Variants in KLHDC4 observed in about 807,000 individuals in gnomAD.
The protein encoded by KLHDC4 is kelch domain containing 4, also known as kelch domain-containing protein 4.
KLHDC4 carries 90 observed loss-of-function variants against 62.4 expected under a neutral mutation model. That is an observed-to-expected ratio of 1.44 (90% CI 1.22 to 1.72). The LOEUF (loss-of-function observed/expected upper bound fraction) is 1.72, where lower values mean the gene tolerates loss of function less well. Ranked by LOEUF, KLHDC4 falls within the 40% of genes most tolerant of loss-of-function variation. KLHDC4 has a pLI of 0.00. For missense variants in KLHDC4, 1,025 were observed against 699.7 expected (o/e 1.47, Z -5.25); for synonymous variants, 386 against 284.4 (o/e 1.36, Z -3.59).
At chr16:87,720,399 C>T (rs891574515) in intron 7 of KLHDC4, among the ~76,000 whole-genome samples, 2 of 152,192 alleles carry the variant, frequency 1.3e-5, no homozygotes, top group Non-Finnish European at 2.9e-5. Context: ...ACTGTCCATC[C>T]AGGCGCCCGA....
chr16:87,734,095 C>G (rs1439097862), intron 5 of KLHDC4, among the ~76,000 whole-genome samples: 1 of 152,230 alleles, frequency 6.6e-6, no homozygotes, highest in Non-Finnish European at 1.5e-5. Flanking sequence ...CCTGTCATCC[C>G]CAGCACTTTG....
chr16:87,719,831 G>C (rs777204857), intron 7 of KLHDC4, among the ~76,000 whole-genome samples: 80 of 152,152 alleles, frequency 5.3e-4, no homozygotes, highest in Admixed American at 7.2e-4. Context: ...AGCGCAACAG[G>C]GCTGGCTCTG....
intron 3 of KLHDC4, chr16:87,755,742 G>C (rs943355742): frequency 3.1e-4 from 55 of 178,020 alleles, no homozygotes; most frequent in African/African-American, 1.1e-3. Flanking sequence ...TTTTTGTATC[G>C]TTAGCAGAGA....
intron 5 of KLHDC4, among the ~76,000 whole-genome samples, chr16:87,735,275 G>A (rs931893512): frequency 7.2e-4 from 109 of 150,898 alleles, no homozygotes; most frequent in African/African-American, 2.6e-3. Context: ...ACTCCAGCCT[G>A]GGCAACACAG....
chr16:87,756,997 T>C (rs1026153361), intron 2 of KLHDC4, among the ~76,000 whole-genome samples: 2 of 151,818 alleles, frequency 1.3e-5, no homozygotes, highest in Admixed American at 6.6e-5. Context: ...TATTTTTTAG[T>C]AGAGATGGGG....
downstream of KLHDC4, among the ~76,000 whole-genome samples, chr16:87,707,215 G>C (rs998105628): frequency 1.3e-5 from 2 of 152,216 alleles, no homozygotes; most frequent in East Asian, 1.9e-4. Flanking sequence ...CACAGCCTTC[G>C]GGGGCAAGGA....
intron 2 of KLHDC4, among the ~76,000 whole-genome samples, 163 bp downstream of exon 2, chr16:87,761,786 C>T (rs1410792706): frequency 6.6e-6 from 1 of 152,210 alleles, no homozygotes; most frequent in African/African-American, 2.4e-5. Context: ...GTAAAGCTTA[C>T]AGCCTCATTC....
At chr16:87,753,628 C>A (rs1353058473) in intron 4 of KLHDC4, among the ~76,000 whole-genome samples, 1 of 150,798 alleles carries the variant, frequency 6.6e-6, no homozygotes, top group African/African-American at 2.5e-5. Flanking sequence ...GGTGAAACCC[C>A]GTCTCTACTG....
intron 9 of KLHDC4, 188 bp downstream of exon 9, chr16:87,711,047 G>T: frequency 1.6e-6 from 1 of 607,824 alleles, no homozygotes; most frequent in Non-Finnish European, 2.9e-6. Context: ...CAGACTAAGG[G>T]GACCGTGACC....
chr16:87,736,787 C>T (rs1310217526), intron 5 of KLHDC4, among the ~76,000 whole-genome samples: 1 of 152,166 alleles, frequency 6.6e-6, no homozygotes, highest in East Asian at 1.9e-4. Flanking sequence ...TTTATCCTCA[C>T]AGCAAACTCG....
rs189098079 is a variant in KLHDC4 at position 87,760,790 on chromosome 16, T to C, written c.191+1159A>G. On this transcript the variant is annotated intron_variant, in intron 2 of 11. Coordinates refer to ENST00000270583, the MANE Select transcript of KLHDC4 (RefSeq NM_017566.4). ...ACTCACGCCTGTAATCCCAGCACTT[T>C]GGGAGGCCAAGGCAGGTGGATTACC... Among the ~76,000 whole-genome samples, 860 of 152,232 alleles carry C rather than the reference T, an allele frequency of 5.6e-3. 5 individuals carry two copies. Among genetic ancestry groups the C allele is most frequent in the Non-Finnish European group, 9.4e-3 (638 of 68,008 alleles).
At chr16:87,751,654 C>G (rs1252758519) in intron 4 of KLHDC4, among the ~76,000 whole-genome samples, 2 of 152,136 alleles carry the variant, frequency 1.3e-5, no homozygotes, top group Non-Finnish European at 2.9e-5. Flanking sequence ...TGCAGTGGCT[C>G]ATGCCTGTAA....
chr16:87,751,993 T>C (rs922361655), intron 4 of KLHDC4, among the ~76,000 whole-genome samples: 1 of 137,904 alleles, frequency 7.3e-6, no homozygotes, highest in African/African-American at 2.9e-5. Flanking sequence ...GAGAATGGCA[T>C]GAACCCGGGA....
chr16:87,704,204 C>A (rs1276519862), downstream of KLHDC4, among the ~76,000 whole-genome samples: 1 of 152,232 alleles, frequency 6.6e-6, no homozygotes, highest in African/African-American at 2.4e-5. Context: ...GGTCTCGCCT[C>A]GTCACCTGAA....
chr16:87,725,290 A>G, intron 7 of KLHDC4, among the ~76,000 whole-genome samples: 1 of 152,150 alleles, frequency 6.6e-6, no homozygotes, highest in East Asian at 1.9e-4. Flanking sequence ...GACGCATAGG[A>G]AATTACCACC....
At chr16:87,752,336 T>A (rs1165498681) in intron 4 of KLHDC4, among the ~76,000 whole-genome samples, 1 of 133,874 alleles carries the variant, frequency 7.5e-6, no homozygotes, top group Non-Finnish European at 1.6e-5. Flanking sequence ...GCACTGTTTT[T>A]TCTTTTTTTT....
At chr16:87,749,830 C>T (rs764326793) in intron 4 of KLHDC4, among the ~76,000 whole-genome samples, 23 of 152,188 alleles carry the variant, frequency 1.5e-4, no homozygotes, top group Non-Finnish European at 2.8e-4. Context: ...CCCGCCTCGG[C>T]CTCCCAAAGC....
chr16:87,703,973 C>T (rs1377794897), downstream of KLHDC4, among the ~76,000 whole-genome samples: 1 of 152,272 alleles, frequency 6.6e-6, no homozygotes, highest in African/African-American at 2.4e-5. Context: ...CACTCTTACA[C>T]TGCCCAGGAG....
In KLHDC4 at chr16:87,755,775, G is replaced by C. The variant is rs564656696; in HGVS notation, c.271-483C>G. ...AGACTGGGTTTCACCACATTGGCCA[G>C]ACTGCTCTCAAACTCCTGACCTCAG... On this transcript the variant is annotated intron_variant, in intron 3 of 11. Coordinates refer to ENST00000270583, the MANE Select transcript of KLHDC4 (RefSeq NM_017566.4). 4.5e-4 allele frequency: 75 copies of C among 167,068 alleles called. 1 individual carries two copies. Among genetic ancestry groups the C allele is most frequent in the Admixed American group, 8.4e-4 (15 of 17,764 alleles). 10.3% of individuals were successfully genotyped at this position (167,068 alleles called of 1,614,324 possible). A position where few individuals can be genotyped will look rare whatever the true frequency, so the allele number is the denominator to read the frequency against.
Sources: allele counts gnomAD v4.1 joint callset (sites outside exome capture counted in the v4.1 genomes callset), GRCh38; gene constraint gnomAD v4.1.1; transcripts MANE v1.5; gene names NCBI Gene and HGNC (gene_info 2026-07-23, HGNC 2026-07-21).